CHP1: variants seen among roughly 807,000 people sequenced by gnomAD.
CHP1 encodes the protein calcineurin like EF-hand protein 1.
A neutral mutation model predicts 27.4 loss-of-function variants in CHP1; 11 were observed. The ratio of observed to expected loss-of-function variants is 0.40; its 90% CI spans 0.25 to 0.67. The LOEUF (loss-of-function observed/expected upper bound fraction) is 0.67. Among genes scored for constraint, CHP1 ranks in the 30% least tolerant of loss-of-function variants. CHP1 has a pLI of 0.38. For synonymous variants in CHP1, 89 were observed against 87.4 expected (o/e 1.02, Z -0.10); for missense variants, 169 against 251.3 (o/e 0.67, Z 2.22).
intron 4 of CHP1, 91 bp downstream of exon 4, chr15:41,262,974 A>G: frequency 2.7e-6 from 4 of 1,489,570 alleles, no homozygotes; most frequent in African/African-American, 1.4e-5. Flanking sequence ...ACAAGCATCT[A>G]CAAGAGCATA....
chr15:41,254,514 A>G (rs899214960), intron 2 of CHP1, among the ~76,000 whole-genome samples: 50 of 152,248 alleles, frequency 3.3e-4, no homozygotes, highest in African/African-American at 1.1e-3. Context: ...ATGTTTGTTG[A>G]ATTAAATAAT....
chr15:41,238,522 G>A (rs2047289255), intron 1 of CHP1, among the ~76,000 whole-genome samples: 2 of 151,824 alleles, frequency 1.3e-5, no homozygotes, highest in South Asian at 4.2e-4. Context: ...CCATACCAGT[G>A]GAGAAAAAAT....
At chr15:41,264,243 C>A in intron 4 of CHP1, 1 of 1,279,934 alleles carries the variant, frequency 7.8e-7, no homozygotes. Context: ...AATGTAAGTC[C>A]TTCCCCTCAC....
At chr15:41,274,796 T>G (rs1308266488) in intron 5 of CHP1, among the ~76,000 whole-genome samples, 1 of 149,378 alleles carries the variant, frequency 6.7e-6, no homozygotes, top group African/African-American at 2.5e-5. Context: ...CTTTGTTTTT[T>G]TTTTTTTTTT....
chr15:41,240,281 A>G (rs1245482738), intron 1 of CHP1, among the ~76,000 whole-genome samples: 2 of 152,172 alleles, frequency 1.3e-5, no homozygotes, highest in African/African-American at 4.8e-5. Context: ...GGCGCCAGCC[A>G]TCATGCCTGG....
At chr15:41,246,187 C>G (rs1333872024) in intron 2 of CHP1, among the ~76,000 whole-genome samples, 1 of 152,046 alleles carries the variant, frequency 6.6e-6, no homozygotes, top group African/African-American at 2.4e-5. Flanking sequence ...GACTTAACCA[C>G]CCAGTAAAGA....
chr15:41,266,356 G>GT (rs1406606122), intron 4 of CHP1, among the ~76,000 whole-genome samples: 1 of 151,056 alleles, frequency 6.6e-6, no homozygotes, highest in African/African-American at 2.4e-5. Context: ...GGTGGATAGT[G>GT]TTTAAAAAAA....
Position 41,239,320 on chromosome 15 carries a change from G to T in CHP1, c.68-4347G>T, listed in dbSNP as rs200901020. Among the ~76,000 whole-genome samples the T allele has an allele frequency of 1.5e-4, 22 of 145,374 alleles. No homozygotes were observed. The East Asian group carries it at 4.5e-3, about 30-fold the overall frequency. On this transcript the variant is annotated intron_variant, in intron 1 of 6. Coordinates refer to ENST00000334660, the MANE Select transcript of CHP1 (RefSeq NM_007236.5). ...ATAACCCAGTTCGTCCTGGAAGATA[G>T]TTTTTTTTTTTTTAATGTTTTGGCT...
chr15:41,258,684 T>C (rs1320419976), intron 3 of CHP1, among the ~76,000 whole-genome samples: 1 of 152,236 alleles, frequency 6.6e-6, no homozygotes, highest in Admixed American at 6.5e-5. Flanking sequence ...GAGTAAATAT[T>C]TACTGATTTG....
intron 5 of CHP1, among the ~76,000 whole-genome samples, chr15:41,275,171 G>T (rs11857631): frequency 0.39 from 59,203 of 150,890 alleles, 12,792 homozygotes; most frequent in African/African-American, 0.6. Flanking sequence ...CTTTTTTTTC[G>T]TTTGAGAGGG....
chr15:41,275,932 A>T (rs2047517510), intron 5 of CHP1, among the ~76,000 whole-genome samples: 1 of 152,026 alleles, frequency 6.6e-6, no homozygotes, highest in South Asian at 2.1e-4. Flanking sequence ...CCGGCCCATG[A>T]AATCGATTTT....
At chr15:41,233,531 A>G (rs1391912470) in intron 1 of CHP1, among the ~76,000 whole-genome samples, 1 of 152,150 alleles carries the variant, frequency 6.6e-6, no homozygotes, top group Admixed American at 6.5e-5. Flanking sequence ...AACCAGTGCA[A>G]ATGTATGTAT....
chr15:41,231,361 C>G lies in CHP1; in HGVS notation c.-22C>G, dbSNP rs548660281. ...CCGTCTCTTCTGGCGCCGCTGCTCC[C>G]GGAGGAGCTCCCGGCACGGCGATGG... On this transcript the variant is annotated 5_prime_UTR_variant, in exon 1 of 7. Transcript: ENST00000334660. The G allele has an allele frequency of 6.3e-6, 10 of 1,588,006 alleles. No individual in the cohort carries two copies. The South Asian group carries it at 1.0e-4, about 16-fold the overall frequency.
chr15:41,257,994 G>A (rs1344710636), intron 3 of CHP1, among the ~76,000 whole-genome samples: 1 of 152,158 alleles, frequency 6.6e-6, no homozygotes, highest in African/African-American at 2.4e-5. Flanking sequence ...AGCGCAGCTT[G>A]TACACCCGTG....
chr15:41,277,396 C>T (rs1176521864), intron 5 of CHP1, among the ~76,000 whole-genome samples: 1 of 152,182 alleles, frequency 6.6e-6, no homozygotes, highest in East Asian at 1.9e-4. Flanking sequence ...ATAATCTCGG[C>T]ACTTTGGGAG....
In CHP1 at chr15:41,265,571, C is replaced by T. The variant is rs2047455988; in HGVS notation, c.349+2688C>T. Among the ~76,000 whole-genome samples, 3 of 151,080 alleles carry T rather than the reference C, an allele frequency of 2.0e-5. No homozygotes were observed. In the South Asian group the frequency reaches 6.3e-4, roughly 32 times the overall value. ...CTAAAAATACAAAAAATTAGCTGGG[C>T]GTGGTGGCGGGCGCCTGTAATCTCA... On this transcript the variant is annotated intron_variant, in intron 4 of 6. Transcript: ENST00000334660.
At chr15:41,241,336 C>T (rs756593979) in intron 1 of CHP1, among the ~76,000 whole-genome samples, 3 of 152,204 alleles carry the variant, frequency 2.0e-5, no homozygotes, top group Admixed American at 6.5e-5. Context: ...ATACTTGTGC[C>T]TTCAGGCTCA....
rs1240098638 is a variant in CHP1, at chr15:41,278,880, A to G, written c.525A>G (p.Glu175=). The G allele has an allele frequency of 6.2e-7, 1 of 1,614,066 alleles. No homozygotes were observed. Among genetic ancestry groups the G allele is most frequent in the African/African-American group, 1.3e-5 (1 of 75,032 alleles). Residue 175 remains glutamate, a synonymous_variant, in exon 6 of 7, where the codon GAA becomes GAG. Coordinates refer to ENST00000334660, the MANE Select transcript of CHP1 (RefSeq NM_007236.5). ...GGGACAGTGCCATATCTTTCACAGAATTTGTTAAGGTTGGTCACTTACTTC... is the reference window on the plus strand; with the variant it reads ...GGGACAGTGCCATATCTTTCACAGAGTTTGTTAAGGTTGGTCACTTACTTC... ...QDGDSAISFT[E]FVKVLEKVDV...
Position 41,279,423 on chromosome 15 carries a change from T to A in CHP1, c.*34T>A. ...AAACTGTTCCTTGCGGTCTAGTATT[T>A]AAGAACTGGAACTTGAAAGTCCTCC... On this transcript the variant is annotated 3_prime_UTR_variant, in exon 7 of 7. Coordinates refer to ENST00000334660, the MANE Select transcript of CHP1 (RefSeq NM_007236.5). 1 of 1,586,268 alleles carries A rather than the reference T, an allele frequency of 6.3e-7. No individual in the cohort carries two copies. Among genetic ancestry groups the A allele is most frequent in the Non-Finnish European group, 8.6e-7 (1 of 1,157,180 alleles).
Sources: allele counts gnomAD v4.1 joint callset (sites outside exome capture counted in the v4.1 genomes callset), GRCh38; gene constraint gnomAD v4.1.1; transcripts MANE v1.5; gene names NCBI Gene and HGNC (gene_info 2026-07-23, HGNC 2026-07-21).